Variants in WDR43 observed in about 807,000 individuals in gnomAD.
The protein encoded by WDR43 is WD repeat-containing protein 43.
Under a neutral mutation model 91.4 loss-of-function variants are expected in WDR43, and 13 were observed. That is an observed-to-expected ratio of 0.14 (90% confidence interval 0.09 to 0.23). WDR43 has a LOEUF of 0.23. Among genes scored for constraint, WDR43 ranks in the 10% least tolerant of loss-of-function variants. The probability of loss-of-function intolerance (pLI) is 1.00; values close to 1 mark genes in which losing one functional copy is unlikely to be tolerated. For synonymous variants in WDR43, 331 were observed against 287.9 expected (o/e 1.15, Z -1.51); for missense variants, 780 against 809.4 (o/e 0.96, Z 0.44).
intron 11 of WDR43, among the ~76,000 whole-genome samples, chr2:28,931,676 G>A (rs1193505999): frequency 2.0e-5 from 3 of 150,538 alleles, no homozygotes; most frequent in South Asian, 2.1e-4. Context: ...TTGCAAGAAC[G>A]TTTCAAAGAT....
intron 6 of WDR43, among the ~76,000 whole-genome samples, chr2:28,921,040 T>C (rs1558376361): frequency 6.6e-6 from 1 of 152,124 alleles, no homozygotes. Context: ...GATTTAACTT[T>C]AGGTTTGATT....
At chr2:28,908,620 C>G (rs1021410158) in intron 3 of WDR43, among the ~76,000 whole-genome samples, 3 of 152,130 alleles carry the variant, frequency 2.0e-5, no homozygotes, top group Admixed American at 2.0e-4. Context: ...TTTAGCCCCA[C>G]TTTGCTGTTT....
At chr2:28,897,012 C>G (rs1358935913) in intron 1 of WDR43, among the ~76,000 whole-genome samples, 1 of 152,148 alleles carries the variant, frequency 6.6e-6, no homozygotes, top group Non-Finnish European at 1.5e-5. Flanking sequence ...AATGACTTGA[C>G]TCAAGCCTTA....
chr2:28,937,434 G>T (rs570503861), intron 13 of WDR43, among the ~76,000 whole-genome samples: 1 of 150,778 alleles, frequency 6.6e-6, no homozygotes, highest in Non-Finnish European at 1.5e-5. Context: ...TTTTTTTCTC[G>T]TGGGGTGCAT....
At chr2:28,931,874 CT>C (rs11352086) in intron 11 of WDR43, among the ~76,000 whole-genome samples, 54,365 of 128,172 alleles carry the variant, frequency 0.42, 11,670 homozygotes, top group Middle Eastern at 0.51. Context: ...TCCCCCCGCC[CT>C]TTTTTTTTTT....
chr2:28,925,522 G>A (rs1671112470), intron 8 of WDR43, among the ~76,000 whole-genome samples: 2 of 152,118 alleles, frequency 1.3e-5, no homozygotes, highest in Non-Finnish European at 2.9e-5. Context: ...GACTTATGTT[G>A]AATTTTGCCT....
At chr2:28,944,311 AATGG>A (rs1212728953) in intron 16 of WDR43, among the ~76,000 whole-genome samples, 4 of 152,130 alleles carry the variant, frequency 2.6e-5, no homozygotes, top group East Asian at 1.9e-4. Context: ...GTTAACATGT[AATGG>A]ATGGGCATTT....
chr2:28,920,398 G>A (rs1022202330), intron 6 of WDR43, among the ~76,000 whole-genome samples: 1 of 150,848 alleles, frequency 6.6e-6, no homozygotes, highest in African/African-American at 2.4e-5. Context: ...GCTAATTTTT[G>A]TGTTTTTCTA....
At chr2:28,928,691 T>C (rs1671188715) in intron 10 of WDR43, among the ~76,000 whole-genome samples, 1 of 152,192 alleles carries the variant, frequency 6.6e-6, no homozygotes, top group East Asian at 1.9e-4. Context: ...TTTGTTTGTT[T>C]GTTTTTTGGA....
intron 6 of WDR43, among the ~76,000 whole-genome samples, chr2:28,921,936 A>G (rs1006286865): frequency 3.3e-5 from 5 of 152,042 alleles, no homozygotes; most frequent in Non-Finnish European, 5.9e-5. Flanking sequence ...CTGGTCTCGA[A>G]CTTCCAGGCT....
chr2:28,916,855 A>G (rs879358877), intron 5 of WDR43, among the ~76,000 whole-genome samples: 4 of 152,020 alleles, frequency 2.6e-5, no homozygotes, highest in Admixed American at 2.6e-4. Flanking sequence ...CATTTTTGTC[A>G]TTAATATATA....
intron 1 of WDR43, among the ~76,000 whole-genome samples, chr2:28,896,848 A>G (rs1258134165): frequency 1.3e-5 from 2 of 152,218 alleles, no homozygotes; most frequent in African/African-American, 4.8e-5. Context: ...GACCTCATTG[A>G]CAAACGAGAG....
chr2:28,941,972 A>G (rs376025632), intron 15 of WDR43, among the ~76,000 whole-genome samples: 30 of 152,306 alleles, frequency 2.0e-4, no homozygotes, highest in Middle Eastern at 3.4e-3. Flanking sequence ...GTTTGACAGT[A>G]AGAAAGTTTA....
Position 28,921,761 on chromosome 2 carries a change from G to C in WDR43, c.850-1158G>C, listed in dbSNP as rs565985838. ...GGGTTTCACCCTGTTGTCCAGGCTG[G>C]AGTGCAGTGGTGCCATCAAAGCTCA... On this transcript the variant is annotated intron_variant, in intron 6 of 17. Coordinates refer to ENST00000407426, the MANE Select transcript of WDR43 (RefSeq NM_015131.3). Among the ~76,000 whole-genome samples, 17 of 152,222 alleles carry C rather than the reference G, an allele frequency of 1.1e-4. No individual in the cohort carries two copies. In the East Asian group the frequency reaches 3.3e-3, roughly 29 times the overall value.
chr2:28,914,039 C>T (rs757608196), intron 4 of WDR43, 30 bp from the exon 5 acceptor site: 25 of 1,608,848 alleles, frequency 1.6e-5, no homozygotes, highest in Non-Finnish European at 2.1e-5. Context: ...TTTGAATCTG[C>T]TCTCCTAACT....
chr2:28,897,431 A>G (rs912001578), intron 1 of WDR43, among the ~76,000 whole-genome samples: 62 of 152,178 alleles, frequency 4.1e-4, no homozygotes, highest in African/African-American at 1.4e-3. Context: ...GTCCTGCTAT[A>G]TGATGACATA....
chr2:28,918,782 T>C (rs1004346395), intron 6 of WDR43, among the ~76,000 whole-genome samples: 3 of 152,216 alleles, frequency 2.0e-5, no homozygotes, highest in Admixed American at 6.5e-5. Flanking sequence ...CCTGTTGTCA[T>C]TGAAGTGCTT....
chr2:28,940,021 G>A (rs1572603972), intron 14 of WDR43, among the ~76,000 whole-genome samples: 1 of 149,080 alleles, frequency 6.7e-6, no homozygotes, highest in East Asian at 2.0e-4. Flanking sequence ...GGAGGCAGGA[G>A]AATGGCGTGA....
intron 11 of WDR43, chr2:28,929,926 C>T (rs1671210822): frequency 1.7e-6 from 1 of 594,932 alleles, no homozygotes; most frequent in Non-Finnish European, 3.1e-6. Context: ...ACCTGGAATG[C>T]ATTTTCTCAT....
Sources: allele counts gnomAD v4.1 joint callset (sites outside exome capture counted in the v4.1 genomes callset), GRCh38; gene constraint gnomAD v4.1.1; transcripts MANE v1.5; gene names NCBI Gene and HGNC (gene_info 2026-07-23, HGNC 2026-07-21).